SLC39A11: variants seen among roughly 807,000 people sequenced by gnomAD.
The protein encoded by SLC39A11 is solute carrier family 39 member 11.
A neutral mutation model predicts 36.1 loss-of-function variants in SLC39A11; 33 were observed. The ratio of observed to expected loss-of-function variants is 0.91; its 90% CI spans 0.69 to 1.22. The LOEUF is 1.22. SLC39A11 is among the 50% of genes most tolerant of loss of function. The probability of loss-of-function intolerance (pLI) is 0.00; values close to 1 mark genes in which losing one functional copy is unlikely to be tolerated. For synonymous variants in SLC39A11, 166 were observed against 170.3 expected (o/e 0.97, Z 0.20); for missense variants, 432 against 430.3 (o/e 1.00, Z -0.03).
At position 72,655,780 on chromosome 17, in the gene SLC39A11, C is replaced by T. The variant is rs567744092; in HGVS notation, c.672-6512G>A. ...CAGGAGCAGCAAAGCAGGTGGTATTCGGGGATATGGATGCATAACAGAAGT... is the reference window on the plus strand; with the variant it reads ...CAGGAGCAGCAAAGCAGGTGGTATTTGGGGATATGGATGCATAACAGAAGT... On this transcript the variant is annotated intron_variant, in intron 7 of 9. Transcript: ENST00000255559. Among the ~76,000 whole-genome samples the T allele has an allele frequency of 2.5e-4, 38 of 152,042 alleles. 1 individual carries two copies. Among genetic ancestry groups the T allele is most frequent in the East Asian group, 5.8e-4 (3 of 5,202 alleles).
chr17:73,081,649 AC>A (rs1407747860), intron 3 of SLC39A11, among the ~76,000 whole-genome samples: 2 of 148,294 alleles, frequency 1.3e-5, no homozygotes, highest in African/African-American at 2.5e-5. Flanking sequence ...ACACACACAC[AC>A]ACACACACAC....
At chr17:72,898,701 TAC>T (rs59885060) in intron 5 of SLC39A11, among the ~76,000 whole-genome samples, 6,554 of 152,320 alleles carry the variant, frequency 0.043, 178 homozygotes, top group African/African-American at 0.08. Flanking sequence ...ATTGTGCATA[TAC>T]ACTCACGTAG....
At chr17:73,060,935 C>T (rs1283730548) in intron 3 of SLC39A11, among the ~76,000 whole-genome samples, 1 of 152,176 alleles carries the variant, frequency 6.6e-6, no homozygotes, top group African/African-American at 2.4e-5. Flanking sequence ...CACTCACAGA[C>T]GGTTGTTTGC....
chr17:72,674,572 C>T (rs59333676), intron 7 of SLC39A11, among the ~76,000 whole-genome samples: 8,633 of 152,158 alleles, frequency 0.057, 331 homozygotes, highest in African/African-American at 0.1. Flanking sequence ...GAGTGGGTTT[C>T]CTGGATCAAA....
chr17:73,065,758 A>C (rs905629108), intron 3 of SLC39A11, among the ~76,000 whole-genome samples: 2 of 152,218 alleles, frequency 1.3e-5, no homozygotes, highest in African/African-American at 4.8e-5. Context: ...TGCCGCTTAC[A>C]AACAGAGAAC....
intron 5 of SLC39A11, among the ~76,000 whole-genome samples, chr17:72,904,112 G>A (rs1403770710): frequency 1.3e-5 from 2 of 152,206 alleles, no homozygotes; most frequent in Non-Finnish European, 2.9e-5. Flanking sequence ...CACAGAAACT[G>A]CAGTGACAGA....
intron 4 of SLC39A11, among the ~76,000 whole-genome samples, chr17:72,993,116 C>T (rs2089287392): frequency 6.6e-6 from 1 of 152,140 alleles, no homozygotes; most frequent in African/African-American, 2.4e-5. Context: ...ATTGTGGGAG[C>T]CACAATTCAA....
intron 3 of SLC39A11, among the ~76,000 whole-genome samples, chr17:73,081,822 C>T (rs1216925773): frequency 8.8e-6 from 1 of 113,552 alleles, no homozygotes; most frequent in African/African-American, 3.1e-5. Context: ...AATAATGGTA[C>T]TCGCAGCAAT....
chr17:72,741,235 T>A (rs1421599853), intron 6 of SLC39A11, among the ~76,000 whole-genome samples: 3 of 151,770 alleles, frequency 2.0e-5, no homozygotes, highest in Middle Eastern at 3.5e-3. Flanking sequence ...TTAAAAAAGT[T>A]TTTCATAGAG....
rs1227242018 is a variant in SLC39A11, at chr17:72,784,863, T to TA, written c.602-48145_602-48144insT. ...TTAAACCTCTTTTTTCTTTCTTCTTTTTTTTTTTTTTTTTTAGATGGAATC... is the reference window on the plus strand; with the variant it reads ...TTAAACCTCTTTTTTCTTTCTTCTTTATTTTTTTTTTTTTTTAGATGGAATC... On this transcript the variant is annotated intron_variant, in intron 6 of 9. Transcript: ENST00000255559. Among the ~76,000 whole-genome samples the TA allele has an allele frequency of 1.2e-3, 90 of 76,906 alleles. 3 individuals are homozygous for TA. The highest frequency in any genetic ancestry group is 2.9e-4 in the Non-Finnish European group (10 of 34,870). 50.5% of individuals were successfully genotyped at this position (76,906 alleles called of 152,430 possible).
At chr17:72,717,069 C>T (rs1598431109) in intron 7 of SLC39A11, among the ~76,000 whole-genome samples, 2 of 144,058 alleles carry the variant, frequency 1.4e-5, no homozygotes, top group African/African-American at 5.2e-5. Context: ...CATATATACA[C>T]ATATAAGTAT....
intron 4 of SLC39A11, among the ~76,000 whole-genome samples, chr17:73,006,864 C>T (rs1411285014): frequency 6.6e-6 from 1 of 152,070 alleles, no homozygotes; most frequent in Non-Finnish European, 1.5e-5. Context: ...ATTAAGGGGG[C>T]CTCAGCATCT....
At chr17:72,769,013 G>A (rs1296472742) in intron 6 of SLC39A11, among the ~76,000 whole-genome samples, 1 of 152,090 alleles carries the variant, frequency 6.6e-6, no homozygotes, top group Non-Finnish European at 1.5e-5. Context: ...ACCCACTTCG[G>A]CCTCCCAAAG....
chr17:73,002,849 C>T (rs1377687010), intron 4 of SLC39A11, among the ~76,000 whole-genome samples: 1 of 152,192 alleles, frequency 6.6e-6, no homozygotes, highest in Admixed American at 6.5e-5. Context: ...TCCTTGCCTC[C>T]TGTCAGGGCT....
At chr17:73,057,142 T>A (rs115723920) in intron 3 of SLC39A11, among the ~76,000 whole-genome samples, 1 of 152,090 alleles carries the variant, frequency 6.6e-6, no homozygotes, top group African/African-American at 2.4e-5. Context: ...TGTATATACA[T>A]GTATATCAAG....
In SLC39A11 at chr17:72,873,294, T is replaced by C. The variant is rs1195301205; in HGVS notation, c.431-23490A>G. Among the ~76,000 whole-genome samples, 4 of 152,024 alleles carry C rather than the reference T, an allele frequency of 2.6e-5. No homozygotes were observed. In the South Asian group the frequency reaches 6.2e-4, roughly 24 times the overall value. On this transcript the variant is annotated intron_variant, in intron 5 of 9. Coordinates refer to ENST00000255559, the MANE Select transcript of SLC39A11 (RefSeq NM_139177.4). ...GGGTCCTGTGACCTCTACCCAGAAA[T>C]TGATTCTGCACAAGAAGATAGCTTC... is the stretch of plus-strand genomic sequence containing the variant.
At chr17:72,787,572 G>A (rs950155583) in intron 6 of SLC39A11, among the ~76,000 whole-genome samples, 2 of 152,104 alleles carry the variant, frequency 1.3e-5, no homozygotes, top group Admixed American at 1.3e-4. Flanking sequence ...TGGCTTTCAA[G>A]GGAATTTTAC....
At chr17:73,053,241 C>CT (rs111679659) in intron 3 of SLC39A11, among the ~76,000 whole-genome samples, 859 of 38,112 alleles carry the variant, frequency 0.023, 10 homozygotes, top group South Asian at 0.095. Flanking sequence ...ATTTGATTTT[C>CT]TTTTTTTTTT....
intron 7 of SLC39A11, among the ~76,000 whole-genome samples, chr17:72,713,610 C>T (rs1321168460): frequency 6.6e-6 from 1 of 152,160 alleles, no homozygotes. Flanking sequence ...TATTAATAGC[C>T]AACTAGCTGT....
Sources: allele counts gnomAD v4.1 joint callset (sites outside exome capture counted in the v4.1 genomes callset), GRCh38; gene constraint gnomAD v4.1.1; transcripts MANE v1.5; gene names NCBI Gene and HGNC (gene_info 2026-07-23, HGNC 2026-07-21).